CNTNAP2: variants seen among roughly 807,000 people sequenced by gnomAD.
CNTNAP2 encodes the protein contactin-associated protein-like 2.
CNTNAP2 carries 98 observed loss-of-function variants against 155.2 expected under a neutral mutation model. The observed-to-expected ratio is 0.63, with a 90% CI of 0.54 to 0.75. CNTNAP2 has a LOEUF of 0.75. CNTNAP2 is among the 30% of genes least tolerant of loss of function. The pLI, the probability that CNTNAP2 is intolerant of heterozygous loss-of-function variation, is 0.00. For missense variants in CNTNAP2, 1,727 were observed against 1,688.1 expected, an observed-to-expected ratio of 1.02 and a Z score of -0.40; for synonymous variants, 651 against 631.2, an observed-to-expected ratio of 1.03 and a Z score of -0.47.
chr7:147,562,168 A>G lies in CNTNAP2; in HGVS notation c.1808A>G (p.Lys603Arg). The G allele has an allele frequency of 1.2e-6, 2 of 1,614,046 alleles. No individual in the cohort carries two copies. The highest frequency in any genetic ancestry group is 1.7e-6 in the Non-Finnish European group (2 of 1,179,930). The change falls in exon 12 of 24, where the codon AAA (lysine) becomes AGA (arginine). Residue 603 changes from lysine (K) to arginine (R), a missense_variant. Coordinates refer to ENST00000361727, the MANE Select transcript of CNTNAP2 (RefSeq NM_014141.6). ...TACGAGCCTTCCTGTGAAGCCTACAAACACCTAGGACAGACATCAAATTAT... is the reference window on the plus strand; with the variant it reads ...TACGAGCCTTCCTGTGAAGCCTACAGACACCTAGGACAGACATCAAATTAT... The part of the protein sequence containing the change: ...SIYEPSCEAY[K>R]HLGQTSNYYW...
chr7:146,774,210 C>G lies in CNTNAP2; in HGVS notation c.98-61C>G. On this transcript the variant is annotated intron_variant, in intron 1 of 23. Coordinates refer to ENST00000361727, the MANE Select transcript of CNTNAP2 (RefSeq NM_014141.6). ...TCAATGATTTTTTAACCAACACATA[C>G]CAATCGTTATTTCGAAATCGTTGTT... 14 of 1,180,438 alleles carry G rather than the reference C, an allele frequency of 1.2e-5. No homozygotes were observed. In the South Asian group the frequency reaches 1.8e-4, roughly 15 times the overall value. 73.1% of individuals were successfully genotyped at this position (1,180,438 alleles called of 1,614,324 possible). A position where few individuals can be genotyped will look rare whatever the true frequency, so the allele number is the denominator to read the frequency against.
chr7:148,163,363 A>G (rs763872060), intron 17 of CNTNAP2, among the ~76,000 whole-genome samples: 10 of 152,326 alleles, frequency 6.6e-5, no homozygotes, highest in Non-Finnish European at 1.0e-4. Context: ...TATTTAATTA[A>G]TATTAGCTTT....
chr7:148,256,171 C>A (rs529555442), intron 20 of CNTNAP2, among the ~76,000 whole-genome samples: 3 of 152,196 alleles, frequency 2.0e-5, no homozygotes, highest in African/African-American at 2.4e-5. Context: ...CTTTCCAGGG[C>A]AGGTGGACGC....
At chr7:147,886,587 G>A (rs1048104569) in intron 13 of CNTNAP2, among the ~76,000 whole-genome samples, 1 of 150,112 alleles carries the variant, frequency 6.7e-6, no homozygotes, top group African/African-American at 2.5e-5. Flanking sequence ...ATGTCAGAGG[G>A]CTTCTCAACC....
At chr7:147,758,071 C>G (rs1797242667) in intron 13 of CNTNAP2, among the ~76,000 whole-genome samples, 1 of 152,054 alleles carries the variant, frequency 6.6e-6, no homozygotes, top group Non-Finnish European at 1.5e-5. Context: ...TAGAATATGT[C>G]AAGTAAAATT....
chr7:146,790,694 G>C (rs376948311), intron 2 of CNTNAP2, among the ~76,000 whole-genome samples: 3 of 151,470 alleles, frequency 2.0e-5, no homozygotes, highest in South Asian at 2.1e-4. Context: ...CTCAGCCTCC[G>C]GAGTAGCTGG....
At position 148,200,794 on chromosome 7, in the gene CNTNAP2, T is replaced by C. The variant is rs575033683; in HGVS notation, c.3011-16494T>C. Among the ~76,000 whole-genome samples the C allele has an allele frequency of 3.3e-5, 5 of 152,338 alleles. No homozygotes were observed. The South Asian group carries it at 1.0e-3, about 32-fold the overall frequency. On this transcript the variant is annotated intron_variant, in intron 18 of 23. Transcript: ENST00000361727. ...AACATAGTAGTTAATAGTAAGAACTTGGTAGATGTGTGACTGCAGGCAGGT... is the reference window on the plus strand; with the variant it reads ...AACATAGTAGTTAATAGTAAGAACTCGGTAGATGTGTGACTGCAGGCAGGT...
intron 2 of CNTNAP2, among the ~76,000 whole-genome samples, chr7:146,817,935 T>C (rs1803205300): frequency 6.6e-6 from 1 of 152,168 alleles, no homozygotes; most frequent in African/African-American, 2.4e-5. Flanking sequence ...ACTAGAAATT[T>C]GTTAAAAAAA....
intron 1 of CNTNAP2, among the ~76,000 whole-genome samples, chr7:146,117,959 A>C (rs1306371531): frequency 6.6e-6 from 1 of 152,182 alleles, no homozygotes; most frequent in Non-Finnish European, 1.5e-5. Context: ...TGGAGATTTC[A>C]GAGTTTAAAA....
intron 10 of CNTNAP2, among the ~76,000 whole-genome samples, chr7:147,449,444 T>C (rs1797795052): frequency 6.6e-6 from 1 of 152,082 alleles, no homozygotes; most frequent in South Asian, 2.1e-4. Flanking sequence ...CTCAGTGAGT[T>C]GACTATAATG....
At chr7:146,517,944 A>G (rs1797564949) in intron 1 of CNTNAP2, among the ~76,000 whole-genome samples, 1 of 151,912 alleles carries the variant, frequency 6.6e-6, no homozygotes, top group African/African-American at 2.4e-5. Context: ...TTAAGCAATC[A>G]AGTGTATTCT....
chr7:148,319,671 C>T (rs1478762022), intron 21 of CNTNAP2, among the ~76,000 whole-genome samples: 1 of 151,816 alleles, frequency 6.6e-6, no homozygotes, highest in East Asian at 1.9e-4. Flanking sequence ...GAGCACAAAC[C>T]CGATTGTGTA....
chr7:146,493,550 A>G (rs1460850228), intron 1 of CNTNAP2, among the ~76,000 whole-genome samples: 1 of 152,176 alleles, frequency 6.6e-6, no homozygotes, highest in African/African-American at 2.4e-5. Context: ...AGAAGACAGC[A>G]TGTTTCTAAT....
At chr7:146,421,025 A>C (rs907471565) in intron 1 of CNTNAP2, among the ~76,000 whole-genome samples, 11 of 152,050 alleles carry the variant, frequency 7.2e-5, no homozygotes, top group African/African-American at 2.4e-4. Context: ...GGGATTTATT[A>C]GGAAAAATGA....
At chr7:146,563,122 T>A (rs10249254) in intron 1 of CNTNAP2, among the ~76,000 whole-genome samples, 116,419 of 152,100 alleles carry the variant, frequency 0.77, 45,050 homozygotes, top group South Asian at 0.89. Context: ...GTGAACTGAT[T>A]AACTTTGCAG....
chr7:147,086,694 C>T (rs1800286301), intron 4 of CNTNAP2, among the ~76,000 whole-genome samples: 2 of 152,240 alleles, frequency 1.3e-5, no homozygotes, highest in Admixed American at 1.3e-4. Flanking sequence ...ACCCCAGCCT[C>T]CCAAATCGCT....
Position 146,302,737 on chromosome 7 carries a change from G to A in CNTNAP2, c.97+185764G>A, listed in dbSNP as rs554048657. On this transcript the variant is annotated intron_variant, in intron 1 of 23. Transcript: ENST00000361727. ...AAACCATACAATTCCAGCCATAAAA[G>A]TGATGAATGTAGAGCTCTTACCATC... Among the ~76,000 whole-genome samples, 3 of 152,192 alleles carry A rather than the reference G, an allele frequency of 2.0e-5. No individual in the cohort carries two copies. In the East Asian group the frequency reaches 5.8e-4, roughly 29 times the overall value.
At chr7:147,073,542 C>T (rs1799939441) in intron 4 of CNTNAP2, among the ~76,000 whole-genome samples, 1 of 152,056 alleles carries the variant, frequency 6.6e-6, no homozygotes, top group Admixed American at 6.5e-5. Flanking sequence ...GATGAGATCA[C>T]CTAAGGGTGA....
At chr7:148,356,263 CT>C (rs1035153456) in intron 21 of CNTNAP2, among the ~76,000 whole-genome samples, 3 of 152,086 alleles carry the variant, frequency 2.0e-5, no homozygotes, top group Admixed American at 6.5e-5. Flanking sequence ...TCAATCTGCA[CT>C]TTTTTTCCCA....
Sources: allele counts gnomAD v4.1 joint callset (sites outside exome capture counted in the v4.1 genomes callset), GRCh38; gene constraint gnomAD v4.1.1; transcripts MANE v1.5; gene names NCBI Gene and HGNC (gene_info 2026-07-23, HGNC 2026-07-21).